Variants in DDX5 observed in about 807,000 individuals in gnomAD.
The protein encoded by DDX5 is DEAD-box helicase 5, also known as probable ATP-dependent RNA helicase DDX5.
A neutral mutation model predicts 68.6 loss-of-function variants in DDX5; 6 were observed. The ratio of observed to expected loss-of-function variants is 0.09; its 90% confidence interval spans 0.05 to 0.17. The LOEUF (loss-of-function observed/expected upper bound fraction) is 0.17. DDX5 is among the 10% of genes least tolerant of loss of function. DDX5 has a pLI of 1.00. For missense variants in DDX5, 499 were observed against 756.1 expected (o/e 0.66, Z 3.99); for synonymous variants, 350 against 247.0 (o/e 1.42, Z -3.91).
chr17:64,504,649 C>A, intron 2 of DDX5, 28 bp downstream of exon 2: 1 of 1,582,350 alleles, frequency 6.3e-7, no homozygotes, highest in South Asian at 1.2e-5. Flanking sequence ...CGAGTTACAG[C>A]CTGATGAAGC....
intron 1 of DDX5, 177 bp downstream of exon 1, chr17:64,505,899 A>C: frequency 6.5e-7 from 1 of 1,534,774 alleles, no homozygotes; most frequent in Non-Finnish European, 8.7e-7. Context: ...TACACCGTCA[A>C]ATCTCTTCCA....
At chr17:64,500,514 C>T (rs368754592) in intron 12 of DDX5, 35 bp downstream of exon 12, 40 of 1,586,194 alleles carry the variant, frequency 2.5e-5, no homozygotes, top group African/African-American at 2.3e-4. Flanking sequence ...CGATGTGACT[C>T]GTAACTACCA....
Position 64,501,991 on chromosome 17 carries a change from A to C in DDX5, c.1216+19T>G. ...AGATCTTCTGGGAAACCAAGCCATG[A>C]ATGCGAGTTTGTACTAACCTAGCCC... is the stretch of plus-strand genomic sequence containing the variant. On this transcript the variant is annotated intron_variant, in intron 11 of 12. Transcript: ENST00000225792. 6.2e-7 allele frequency: 1 copy of C among 1,611,418 alleles called. No homozygotes were observed. Among genetic ancestry groups the C allele is most frequent in the Non-Finnish European group, 8.5e-7 (1 of 1,178,626 alleles).
intron 9 of DDX5, 93 bp downstream of exon 9, chr17:64,502,346 C>A (rs2038317651): frequency 4.1e-6 from 6 of 1,450,120 alleles, no homozygotes; most frequent in Non-Finnish European, 4.8e-6. Context: ...AATTCACTAT[C>A]AGATATGAAA....
upstream of DDX5, chr17:64,506,677 AC>A (rs1164413340): frequency 7.2e-5 from 16 of 223,636 alleles, no homozygotes; most frequent in African/African-American, 5.5e-4. Flanking sequence ...TGGCTGTACC[AC>A]CCCGGACCAC....
In DDX5 at chr17:64,498,515, T is replaced by C. The variant is rs149118821; in HGVS notation, c.*1408A>G. 9.8e-5 allele frequency among the ~76,000 whole-genome samples: 15 copies of C among 152,350 alleles called. No homozygotes were observed. In the East Asian group the frequency reaches 2.5e-3, roughly 25 times the overall value. Reference sequence around the variant, plus strand: ...ACCATGAATTTGACTAACCATGCCATTGAAAACCATCCAGGTTACTACAGG... The same window carrying C: ...ACCATGAATTTGACTAACCATGCCACTGAAAACCATCCAGGTTACTACAGG... On this transcript the variant is annotated 3_prime_UTR_variant, in exon 13 of 13. Transcript: ENST00000225792.
chr17:64,500,960 A>G, intron 11 of DDX5, 187 bp from the exon 12 acceptor site: 1 of 599,658 alleles, frequency 1.7e-6, no homozygotes, highest in Non-Finnish European at 3.0e-6. Flanking sequence ...AAAAAAGCAC[A>G]TGTCATCTGT....
intron 11 of DDX5, 130 bp downstream of exon 11, chr17:64,501,880 C>T (rs1343049319): frequency 6.5e-6 from 6 of 926,074 alleles, no homozygotes; most frequent in Non-Finnish European, 6.7e-6. Flanking sequence ...GGCCTTGCCA[C>T]AAAGACAGCA....
In DDX5 at chr17:64,506,241, G is replaced by C; in HGVS notation, c.-122C>G. ...GCGGCAGCGGAGGAAGGACACCGATGACACCAGCCGAAGCTGCACTACTAG... is the reference window on the plus strand; with the variant it reads ...GCGGCAGCGGAGGAAGGACACCGATCACACCAGCCGAAGCTGCACTACTAG... On this transcript the variant is annotated 5_prime_UTR_variant, in exon 1 of 13. Coordinates refer to ENST00000225792, the MANE Select transcript of DDX5 (RefSeq NM_004396.5). 2 of 1,549,646 alleles carry C rather than the reference G, an allele frequency of 1.3e-6. No homozygotes were observed. The highest frequency in any genetic ancestry group is 1.7e-6 in the Non-Finnish European group (2 of 1,147,646).
chr17:64,506,419 AG>A, upstream of DDX5: 1 of 1,380,394 alleles, frequency 7.2e-7, no homozygotes, highest in East Asian at 2.8e-5. Context: ...CTGGCGTTCC[AG>A]GATCGCCGCG....
rs2144235974 is a variant in DDX5, at chr17:64,498,410, CGGTTAA to C, written c.*1507_*1512del. Reference sequence around the variant, plus strand: ...CAGTGTTTACAAATTAAAAGGCCCACGGTTAAGACATTAAACAGTAAAATATGTAAT... The same window carrying C: ...CAGTGTTTACAAATTAAAAGGCCCACGACATTAAACAGTAAAATATGTAAT... On this transcript the variant is annotated 3_prime_UTR_variant, in exon 13 of 13. Transcript: ENST00000225792. Among the ~76,000 whole-genome samples the C allele has an allele frequency of 6.6e-6, 1 of 152,306 alleles. No homozygotes were observed. Among genetic ancestry groups the C allele is most frequent in the South Asian group, 2.1e-4 (1 of 4,822 alleles).
rs782385622 is a variant in DDX5, at chr17:64,500,061, A to G, written c.1707T>C (p.Asn569=). 6.2e-7 allele frequency: 1 copy of G among 1,614,242 alleles called. No individual in the cohort carries two copies. The highest frequency in any genetic ancestry group is 8.5e-7 in the Non-Finnish European group (1 of 1,180,044). The change falls in exon 13 of 13, where the codon AAT becomes AAC. Residue 569 remains asparagine (N), a synonymous_variant. Transcript: ENST00000225792. The part of the protein sequence containing the change: ...RTGNPTGTYQ[N]GYDSTQQYGS... ...CGTATTGCTGAGTGCTATCATAACC[A>G]TTCTGGTAAGTCCCTGTTGGATTAC...
At position 64,503,311 on chromosome 17, in the gene DDX5, A is replaced by G. The variant is rs782079464; in HGVS notation, c.687T>C (p.Ile229=). The G allele has an allele frequency of 2.5e-6, 4 of 1,614,248 alleles. No homozygotes were observed. In the Admixed American group the frequency reaches 6.7e-5, roughly 27 times the overall value. ...EICIATPGRL[I]DFLECGKTNL... is the part of the protein sequence containing the mutation. ...TGGTTTTTCCACACTCTAAAAAGTC[A>G]ATCAGTCTTCCAGGTGTTGCAATAC... Residue 229 remains isoleucine, a synonymous_variant, in exon 7 of 13, where the codon ATT becomes ATC. Coordinates refer to ENST00000225792, the MANE Select transcript of DDX5 (RefSeq NM_004396.5).
chr17:64,506,824 G>T, upstream of DDX5: 2 of 586,524 alleles, frequency 3.4e-6, no homozygotes, highest in Non-Finnish European at 6.1e-6. Context: ...CGACCCGCGT[G>T]TCTGATAATC....
At chr17:64,505,811 A>C in intron 1 of DDX5, 65 of 1,535,972 alleles carry the variant, frequency 4.2e-5, no homozygotes, top group Non-Finnish European at 5.6e-5. Flanking sequence ...GCTCCCTCTC[A>C]ACTCCCTCAA....
At chr17:64,505,942 GC>G (rs1346536302) in intron 1 of DDX5, 133 bp downstream of exon 1, 2 of 1,535,574 alleles carry the variant, frequency 1.3e-6, no homozygotes, top group African/African-American at 2.7e-5. Context: ...AATGGCGCAA[GC>G]CTTCGGGAAA....
In DDX5 at chr17:64,498,927, CTTGTG is replaced by C. The variant is rs1215932474; in HGVS notation, c.*991_*995del. On this transcript the variant is annotated 3_prime_UTR_variant, in exon 13 of 13. Transcript: ENST00000225792. ...TCATTAATTTTAATGAGGTTTTTTC[CTTGTG>C]TTGAGTATGAATAGACCTTACAGTT... Among the ~76,000 whole-genome samples the C allele has an allele frequency of 6.6e-6, 1 of 152,090 alleles. No homozygotes were observed. The highest frequency in any genetic ancestry group is 1.5e-5 in the Non-Finnish European group (1 of 68,026).
At chr17:64,501,345 T>TC (rs2038293128) in intron 11 of DDX5, 1 of 159,654 alleles carries the variant, frequency 6.3e-6, no homozygotes, top group Non-Finnish European at 1.4e-5. Context: ...AGAATGTGTC[T>TC]CTCTCTGGCA....
At chr17:64,506,038 C>T in intron 1 of DDX5, 38 bp downstream of exon 1, 1 of 1,550,540 alleles carries the variant, frequency 6.4e-7, no homozygotes, top group Non-Finnish European at 8.7e-7. Flanking sequence ...TCCCATCCCC[C>T]CACCCGCCAG....
Sources: gnomAD v4.1 joint callset for allele counts (sites outside exome capture counted in the v4.1 genomes callset) on GRCh38, gnomAD v4.1.1 for gene constraint, MANE v1.5 for transcripts, NCBI Gene and HGNC (gene_info 2026-07-23, HGNC 2026-07-21) for gene names.